Variants in NAF1 observed in about 807,000 individuals in gnomAD.
NAF1 encodes the protein nuclear assembly factor 1 ribonucleoprotein, also known as H/ACA ribonucleoprotein complex non-core subunit NAF1.
NAF1 carries 11 observed loss-of-function variants against 40.6 expected under a neutral mutation model. That is an observed-to-expected ratio of 0.27 (90% confidence interval 0.17 to 0.45). The LOEUF is 0.45. NAF1 is among the 20% of genes least tolerant of loss of function. NAF1 has a pLI of 1.00. For missense variants in NAF1, 607 were observed against 611.1 expected (o/e 0.99, Z 0.07); for synonymous variants, 260 against 228.5 (o/e 1.14, Z -1.24).
chr4:163,154,852 C>A (rs554980687), intron 2 of NAF1, among the ~76,000 whole-genome samples: 1 of 147,366 alleles, frequency 6.8e-6, no homozygotes, highest in Non-Finnish European at 1.5e-5. Flanking sequence ...GCCTGGGCGA[C>A]AGAGCAAAAG....
rs1560813123 is a variant in NAF1 at position 163,166,351 on chromosome 4, T to C, written c.365+12A>G. 4.4e-6 allele frequency: 7 copies of C among 1,576,798 alleles called. No individual in the cohort carries two copies. The highest frequency in any genetic ancestry group is 3.6e-5 in the Admixed American group (2 of 55,016). On this transcript the variant is annotated intron_variant, in intron 1 of 7. Transcript: ENST00000274054. ...CCTCTCCCCACAGCTCCGGGTCCCT[T>C]AGGCACCCGACCTGTCCGAGTCCGA...
chr4:163,156,012 TAA>T (rs1160278847), intron 2 of NAF1, among the ~76,000 whole-genome samples: 1 of 124,980 alleles, frequency 8.0e-6, no homozygotes, highest in African/African-American at 2.8e-5. Flanking sequence ...GTACTAAAAA[TAA>T]AAGACAAGGT....
At chr4:163,111,466 G>A (rs1730157310) in intron 2 of NAF1, among the ~76,000 whole-genome samples, 1 of 152,114 alleles carries the variant, frequency 6.6e-6, no homozygotes, top group Admixed American at 6.5e-5. Context: ...TTGATCAACT[G>A]GAAGGATGGA....
intron 2 of NAF1, among the ~76,000 whole-genome samples, chr4:163,153,351 G>C (rs1280515764): frequency 6.6e-6 from 1 of 152,208 alleles, no homozygotes; most frequent in African/African-American, 2.4e-5. Flanking sequence ...TCTATATCTA[G>C]CTCTGGGATT....
chr4:163,120,201 T>G (rs1025655658), intron 2 of NAF1, among the ~76,000 whole-genome samples: 2 of 152,150 alleles, frequency 1.3e-5, no homozygotes, highest in African/African-American at 4.8e-5. Flanking sequence ...AATAAAACAC[T>G]TGAAAAGCTG....
At chr4:163,159,242 T>A (rs1013415803) in intron 2 of NAF1, among the ~76,000 whole-genome samples, 1 of 152,090 alleles carries the variant, frequency 6.6e-6, no homozygotes, top group Non-Finnish European at 1.5e-5. Context: ...GATATAAAAC[T>A]TTAATTTAAA....
intron 2 of NAF1, chr4:163,119,291 C>G (rs1314398528): frequency 1.3e-5 from 2 of 152,150 alleles, no homozygotes; most frequent in African/African-American, 4.8e-5. Context: ...TAGGGACAGA[C>G]CATTAAATTT....
intron 2 of NAF1, among the ~76,000 whole-genome samples, chr4:163,151,047 A>T (rs1482257796): frequency 6.6e-6 from 1 of 151,976 alleles, no homozygotes; most frequent in Non-Finnish European, 1.5e-5. Context: ...TATGTGTGTT[A>T]TGAATTGTTT....
At chr4:163,145,664 G>A (rs1731435149) in intron 4 of NAF1, 118 bp downstream of exon 4, 1 of 651,946 alleles carries the variant, frequency 1.5e-6, no homozygotes, top group South Asian at 2.0e-5. Context: ...TGAAATTAGA[G>A]AGCTCTAGAT....
At chr4:163,142,168 CTCAGCACCACTCTT>C (rs1731286646) in intron 4 of NAF1, among the ~76,000 whole-genome samples, 1 of 152,210 alleles carries the variant, frequency 6.6e-6, no homozygotes, top group South Asian at 2.1e-4. Flanking sequence ...AAGAGGTGCA[CTCAGCACCACTCTT>C]ACTGGCCTAC....
intron 4 of NAF1, among the ~76,000 whole-genome samples, chr4:163,141,001 G>A (rs1482914227): frequency 2.0e-5 from 3 of 152,278 alleles, no homozygotes; most frequent in Non-Finnish European, 2.9e-5. Context: ...TTCTGAAAAC[G>A]TTTTAAGAAT....
At chr4:163,131,603 G>A (rs567840856) in intron 7 of NAF1, among the ~76,000 whole-genome samples, 1 of 152,084 alleles carries the variant, frequency 6.6e-6, no homozygotes, top group Non-Finnish European at 1.5e-5. Context: ...TGAATCACAA[G>A]TGTACAATTT....
In NAF1 at chr4:163,149,025, G is replaced by C. The variant is rs139074405; in HGVS notation, c.541-591C>G. Among the ~76,000 whole-genome samples, 350 of 152,200 alleles carry C rather than the reference G, an allele frequency of 2.3e-3. 2 individuals are homozygous for C. The highest frequency in any genetic ancestry group is 4.1e-3 in the Non-Finnish European group (279 of 67,954). ...AGCCTATAAAAACTATGAAGGTGTT[G>C]CCTGATACCTTCTCTCTCTAGGTTA... On this transcript the variant is annotated intron_variant, in intron 2 of 7. Transcript: ENST00000274054.
At chr4:163,110,085 T>C (rs766786370) in exon 3 of NAF1, 79 of 474,340 alleles carry the variant, frequency 1.7e-4, no homozygotes, top group Middle Eastern at 3.3e-4. Context: ...CTTTTCATTA[T>C]TTATTTAGGC....
chr4:163,126,808 A>T, downstream of NAF1: 1 of 878,150 alleles, frequency 1.1e-6, no homozygotes, highest in Non-Finnish European at 1.6e-6. Flanking sequence ...AGAAACTGCC[A>T]CTTTTAGCAA....
rs751570329 is a variant in NAF1 at position 163,129,352 on chromosome 4, T to C, written c.1034-4A>G. The stretch of plus-strand genomic sequence containing the variant: ...TGTACTTCAGTAAAATCTTCACCTT[T>C]GAGTGAGGGGAGGGAAAACATAAAA... On this transcript the variant is annotated splice_region_variant and splice_polypyrimidine_tract_variant and intron_variant, in intron 7 of 7. Coordinates refer to ENST00000274054, the MANE Select transcript of NAF1 (RefSeq NM_138386.3). 2.3e-5 allele frequency: 37 copies of C among 1,595,590 alleles called. No homozygotes were observed. Among genetic ancestry groups the C allele is most frequent in the Non-Finnish European group, 2.8e-5 (33 of 1,164,972 alleles).
chr4:163,157,339 C>T (rs543002216), intron 2 of NAF1: 1 of 152,120 alleles, frequency 6.6e-6, no homozygotes, highest in African/African-American at 2.4e-5. Flanking sequence ...ATGCAGGTCT[C>T]CACAAATACT....
rs1173653267 is a variant in NAF1, at chr4:163,166,838, G to C, written c.-111C>G. ...AGGCAACCGCAGCAACACTGCCTGGGCCCAACTTCCCGCGTTTCTCAGGTA... is the reference window on the plus strand; with the variant it reads ...AGGCAACCGCAGCAACACTGCCTGGCCCCAACTTCCCGCGTTTCTCAGGTA... On this transcript the variant is annotated 5_prime_UTR_variant, in exon 1 of 8. Coordinates refer to ENST00000274054, the MANE Select transcript of NAF1 (RefSeq NM_138386.3). 2 of 1,416,170 alleles carry C rather than the reference G, an allele frequency of 1.4e-6. No individual in the cohort carries two copies. Among genetic ancestry groups the C allele is most frequent in the Admixed American group, 5.3e-5 (2 of 37,748 alleles). The allele number at this position is 1,416,170 out of a possible 1,614,324, so 87.7% of individuals were successfully genotyped here.
intron 1 of NAF1, among the ~76,000 whole-genome samples, chr4:163,165,024 G>T (rs186941903): frequency 1.3e-5 from 2 of 151,852 alleles, no homozygotes; most frequent in East Asian, 3.9e-4. Flanking sequence ...CTCTTCTTTC[G>T]CTACTACTTT....
Sources: allele counts gnomAD v4.1 joint callset (sites outside exome capture counted in the v4.1 genomes callset), GRCh38; gene constraint gnomAD v4.1.1; transcripts MANE v1.5; gene names NCBI Gene and HGNC (gene_info 2026-07-23, HGNC 2026-07-21).